MEMO1: variants seen among roughly 807,000 people sequenced by gnomAD.
MEMO1 encodes mediator of cell motility 1.
MEMO1 carries 6 observed loss-of-function variants against 45.2 expected under a neutral mutation model. The observed-to-expected ratio is 0.13, with a 90% CI of 0.07 to 0.26. The LOEUF (loss-of-function observed/expected upper bound fraction) is 0.26. MEMO1 is among the 10% of genes least tolerant of loss of function. The probability of loss-of-function intolerance (pLI) is 1.00; values close to 1 mark genes in which losing one functional copy is unlikely to be tolerated. For synonymous variants in MEMO1, 78 were observed against 124.3 expected (o/e 0.63, Z 2.48); for missense variants, 184 against 370.5 (o/e 0.50, Z 4.13).
intron 2 of MEMO1, among the ~76,000 whole-genome samples, chr2:31,983,697 G>A (rs921732538): frequency 3.9e-5 from 6 of 152,206 alleles, no homozygotes; most frequent in Non-Finnish European, 8.8e-5. Context: ...GCCACCCAAA[G>A]TGCTGGGATT....
chr2:31,983,644 G>A (rs1670926610), intron 2 of MEMO1, among the ~76,000 whole-genome samples: 1 of 152,130 alleles, frequency 6.6e-6, no homozygotes, highest in Non-Finnish European at 1.5e-5. Context: ...ATGTTGGTCA[G>A]GCTGGTCTTG....
intron 6 of MEMO1, among the ~76,000 whole-genome samples, chr2:31,897,673 ATT>A (rs1558485397): frequency 1.3e-5 from 2 of 151,986 alleles, no homozygotes; most frequent in African/African-American, 4.8e-5. Context: ...TTGGCCTGAA[ATT>A]TTCTTTTTTT....
At chr2:31,924,231 CA>C (rs1375204789) in intron 4 of MEMO1, among the ~76,000 whole-genome samples, 2 of 151,236 alleles carry the variant, frequency 1.3e-5, no homozygotes, top group Admixed American at 1.3e-4. Flanking sequence ...TAAATGCTAA[CA>C]AAAAAAATGA....
chr2:31,890,756 G>T (rs1676852481), intron 7 of MEMO1, among the ~76,000 whole-genome samples: 2 of 152,110 alleles, frequency 1.3e-5, no homozygotes, highest in Non-Finnish European at 2.9e-5. Flanking sequence ...GCCATCCTGT[G>T]CCACTGCAGG....
intron 8 of MEMO1, among the ~76,000 whole-genome samples, chr2:31,877,091 A>AC (rs2147907127): frequency 6.6e-6 from 1 of 151,882 alleles, no homozygotes; most frequent in South Asian, 2.1e-4. Context: ...ACTTCTCACC[A>AC]CCCTCCCCAT....
Position 31,918,042 on chromosome 2 carries a change from A to C in MEMO1, c.326-5T>G. The C allele has an allele frequency of 6.3e-7, 1 of 1,591,408 alleles. No individual in the cohort carries two copies. The highest frequency in any genetic ancestry group is 1.1e-5 in the South Asian group (1 of 89,638). On this transcript the variant is annotated splice_region_variant and splice_polypyrimidine_tract_variant and intron_variant, in intron 5 of 9. Coordinates refer to ENST00000404530, the MANE Select transcript of MEMO1 (RefSeq NM_001301833.4). ...TCTTCCACAGTTCTCCGTAAACTAA[A>C]GAGATTTCAAAATACAGTAAAATAA... is the stretch of plus-strand genomic sequence containing the variant.
At chr2:31,888,761 C>T (rs1461607123) in intron 7 of MEMO1, among the ~76,000 whole-genome samples, 2 of 151,872 alleles carry the variant, frequency 1.3e-5, no homozygotes, top group Non-Finnish European at 2.9e-5. Flanking sequence ...ACTGGTGATG[C>T]AATAAAAGGC....
chr2:31,998,657 G>A (rs1300732526), intron 2 of MEMO1, among the ~76,000 whole-genome samples: 3 of 152,092 alleles, frequency 2.0e-5, no homozygotes, highest in African/African-American at 4.8e-5. Flanking sequence ...AAATTCAGCT[G>A]GGCATGGTGG....
chr2:31,868,666 C>T (rs1480527721), intron 9 of MEMO1, among the ~76,000 whole-genome samples, 174 bp from the exon 10 acceptor site: 2 of 152,080 alleles, frequency 1.3e-5, no homozygotes, highest in African/African-American at 2.4e-5. Flanking sequence ...AAAAGAATTC[C>T]TTATCATTTT....
At chr2:31,996,476 G>C (rs1279136793) in intron 2 of MEMO1, among the ~76,000 whole-genome samples, 1 of 152,002 alleles carries the variant, frequency 6.6e-6, no homozygotes, top group Admixed American at 6.6e-5. Flanking sequence ...CCTGGCAGGC[G>C]GAGGTTGTAG....
intron 2 of MEMO1, among the ~76,000 whole-genome samples, chr2:31,961,586 G>T (rs1218791230): frequency 6.6e-6 from 1 of 150,836 alleles, no homozygotes; most frequent in Admixed American, 6.6e-5. Context: ...AACACAGTGA[G>T]ACTCTGTCTC....
intron 2 of MEMO1, among the ~76,000 whole-genome samples, chr2:31,949,712 A>G (rs1666613772): frequency 6.6e-6 from 1 of 151,698 alleles, no homozygotes; most frequent in Admixed American, 6.6e-5. Flanking sequence ...TAGGTTAGCT[A>G]CAGTCAGTAA....
intron 2 of MEMO1, among the ~76,000 whole-genome samples, chr2:31,958,443 G>A (rs1401874651): frequency 1.3e-5 from 2 of 151,820 alleles, no homozygotes; most frequent in Non-Finnish European, 2.9e-5. Flanking sequence ...CCTCAGTCAT[G>A]CCCAAGCACC....
chr2:31,953,945 T>C (rs1667127127), intron 2 of MEMO1, among the ~76,000 whole-genome samples: 1 of 152,188 alleles, frequency 6.6e-6, no homozygotes, highest in Non-Finnish European at 1.5e-5. Flanking sequence ...CTCAATGATA[T>C]TTGGTATTTC....
At chr2:31,944,074 G>A (rs917800233) in intron 2 of MEMO1, among the ~76,000 whole-genome samples, 9 of 152,030 alleles carry the variant, frequency 5.9e-5, no homozygotes, top group Non-Finnish European at 1.2e-4. Flanking sequence ...TCACTCCTCT[G>A]CTCCTCTCTC....
At chr2:32,009,741 G>A (rs1033908848) in intron 2 of MEMO1, among the ~76,000 whole-genome samples, 23 of 152,176 alleles carry the variant, frequency 1.5e-4, no homozygotes, top group African/African-American at 4.6e-4. Flanking sequence ...CAAGAGGGCG[G>A]AGGGTCGCTG....
intron 2 of MEMO1, among the ~76,000 whole-genome samples, chr2:31,969,586 GGTGTGTGTGTGTGTGTGTGTGT>G (rs367639470): frequency 1.4e-4 from 17 of 119,262 alleles, no homozygotes; most frequent in South Asian, 2.9e-4. Context: ...TGTGTGTGTG[GGTGTGTGTGTGTGTGTGTGTGT>G]GTGTGTGTGT....
chr2:31,891,496 A>T (rs1354318912), intron 7 of MEMO1, among the ~76,000 whole-genome samples: 1 of 152,146 alleles, frequency 6.6e-6, no homozygotes, highest in East Asian at 1.9e-4. Flanking sequence ...AATATTTTAT[A>T]ATCTTTGGAG....
intron 4 of MEMO1, among the ~76,000 whole-genome samples, chr2:31,928,476 G>A (rs1683446113): frequency 6.6e-6 from 1 of 150,930 alleles, no homozygotes; most frequent in African/African-American, 2.4e-5. Context: ...GAACTCAGGA[G>A]GCGGAGGTTG....
Sources: allele counts gnomAD v4.1 joint callset (sites outside exome capture counted in the v4.1 genomes callset), GRCh38; gene constraint gnomAD v4.1.1; transcripts MANE v1.5; gene names NCBI Gene and HGNC (gene_info 2026-07-23, HGNC 2026-07-21).